CCAR1: variants seen among roughly 807,000 people sequenced by gnomAD.
CCAR1 encodes the protein cell division cycle and apoptosis regulator protein 1.
Under a neutral mutation model 163.8 loss-of-function variants are expected in CCAR1, and 78 were observed. The observed-to-expected ratio is 0.48, with a 90% CI of 0.40 to 0.57. The LOEUF (loss-of-function observed/expected upper bound fraction) is 0.57. Among genes scored for constraint, CCAR1 ranks in the 20% least tolerant of loss-of-function variants. The pLI is 0.00. For synonymous variants in CCAR1, 443 were observed against 460.7 expected (o/e 0.96, Z 0.49); for missense variants, 1,019 against 1,365.2 (o/e 0.75, Z 4.00).
At chr10:68,733,490 C>G (rs1301001073) in intron 2 of CCAR1, among the ~76,000 whole-genome samples, 1 of 85,424 alleles carries the variant, frequency 1.2e-5, no homozygotes, top group Non-Finnish European at 2.8e-5. Flanking sequence ...GTAAAGTTTT[C>G]TTTTCACTGT....
chr10:68,761,790 A>T (rs2047428), intron 16 of CCAR1, among the ~76,000 whole-genome samples: 132,659 of 151,510 alleles, frequency 0.88, 58,141 homozygotes, highest in African/African-American at 0.9. Context: ...TTAGTAGAGA[A>T]GGTGTTTTTC....
intron 2 of CCAR1, among the ~76,000 whole-genome samples, chr10:68,724,530 T>C (rs542330486): frequency 6.6e-6 from 1 of 152,016 alleles, no homozygotes; most frequent in Non-Finnish European, 1.5e-5. Flanking sequence ...GCTCACGCGA[T>C]CCTCCCATCT....
At chr10:68,755,651 A>C (rs1352781348) in intron 13 of CCAR1, 115 bp downstream of exon 13, 19 of 769,304 alleles carry the variant, frequency 2.5e-5, no homozygotes, top group Non-Finnish European at 3.8e-5. Flanking sequence ...CAATGCAGGT[A>C]ATCTCAAAGG....
At chr10:68,722,381 C>T (rs2055871603) in intron 1 of CCAR1, 74 bp from the exon 2 acceptor site, 5 of 799,864 alleles carry the variant, frequency 6.3e-6, no homozygotes, top group South Asian at 5.5e-5. Context: ...TTAAACATTT[C>T]TTTCTATTGT....
chr10:68,764,245 C>A (rs1034946801), intron 16 of CCAR1, among the ~76,000 whole-genome samples: 1 of 152,142 alleles, frequency 6.6e-6, no homozygotes, highest in African/African-American at 2.4e-5. Context: ...AGCAGCTCAT[C>A]ATCACTGGGC....
intron 19 of CCAR1, among the ~76,000 whole-genome samples, chr10:68,778,243 C>T (rs925808962): frequency 1.3e-5 from 2 of 152,094 alleles, no homozygotes; most frequent in Non-Finnish European, 2.9e-5. Context: ...AAAGCTAGTG[C>T]TCACAATGAC....
intron 19 of CCAR1, among the ~76,000 whole-genome samples, chr10:68,776,507 G>T (rs370438182): frequency 1.3e-5 from 2 of 151,964 alleles, no homozygotes; most frequent in African/African-American, 4.8e-5. Flanking sequence ...CGGAGGTTGC[G>T]GTGAACCGAG....
At chr10:68,731,011 T>C (rs1396327132) in intron 2 of CCAR1, among the ~76,000 whole-genome samples, 1 of 152,208 alleles carries the variant, frequency 6.6e-6, no homozygotes. Flanking sequence ...ATTTAGTAGA[T>C]AGCCTGTGGT....
Position 68,737,883 on chromosome 10 carries a change from A to G in CCAR1, c.285A>G (p.Gln95=), listed in dbSNP as rs1233693998. The G allele has an allele frequency of 3.8e-6, 6 of 1,590,930 alleles. No homozygotes were observed. The East Asian group carries it at 6.8e-5, about 18-fold the overall frequency. Residue 95 remains glutamine, a synonymous_variant, in exon 4 of 25, where the codon CAA becomes CAG. Transcript: ENST00000265872. ...CTCAGCAGGCCCTGTATAGTGTGCA[A>G]CAACAGGTTAGTTTATATTTTCCGT... The part of the protein sequence containing the change: ...SQPQQALYSV[Q]QQLQQPQQTL...
intron 2 of CCAR1, among the ~76,000 whole-genome samples, chr10:68,736,100 G>A (rs764580872): frequency 4.6e-5 from 7 of 151,976 alleles, no homozygotes; most frequent in African/African-American, 1.7e-4. Context: ...TGATCCTCCC[G>A]CCTCGGTTTC....
chr10:68,742,277 T>C lies in CCAR1; in HGVS notation c.325-99T>C. ...TACATGTATATCTTCTAACATAATATGAAATTTTTAACATTCTGGGTTAGT... is the reference window on the plus strand; with the variant it reads ...TACATGTATATCTTCTAACATAATACGAAATTTTTAACATTCTGGGTTAGT... On this transcript the variant is annotated intron_variant, in intron 5 of 24. Transcript: ENST00000265872. 4.7e-6 allele frequency: 4 copies of C among 842,482 alleles called. No homozygotes were observed. The South Asian group carries it at 7.8e-5, about 16-fold the overall frequency. The allele number at this position is 842,482 out of a possible 1,614,324, so 52.2% of individuals were successfully genotyped here. A position where few individuals can be genotyped will look rare whatever the true frequency, so the allele number is the denominator to read the frequency against.
Position 68,742,867 on chromosome 10 carries a change from C to T in CCAR1, c.518+298C>T, listed in dbSNP as rs2056200346. Among the ~76,000 whole-genome samples, 3 of 152,222 alleles carry T rather than the reference C, an allele frequency of 2.0e-5. No individual in the cohort carries two copies. The South Asian group carries it at 6.2e-4, about 31-fold the overall frequency. ...TCCTGACCTCAAGTGAGCCACCCGC[C>T]TCAGCTTCCCAAGGTGCTGGGATTA... is the stretch of plus-strand genomic sequence containing the variant. On this transcript the variant is annotated intron_variant, in intron 6 of 24. Transcript: ENST00000265872.
intron 8 of CCAR1, among the ~76,000 whole-genome samples, chr10:68,748,015 G>A (rs1482983784): frequency 3.3e-5 from 5 of 151,896 alleles, no homozygotes; most frequent in South Asian, 2.1e-4. Flanking sequence ...CACCATGCCC[G>A]GCAAATTTTT....
chr10:68,726,860 G>A (rs2055955441), intron 2 of CCAR1, among the ~76,000 whole-genome samples: 3 of 151,648 alleles, frequency 2.0e-5, no homozygotes, highest in Non-Finnish European at 4.4e-5. Context: ...GCCGGACATA[G>A]TGGTGTGCAT....
chr10:68,778,814 A>T (rs1357419753), intron 19 of CCAR1, among the ~76,000 whole-genome samples: 1 of 151,872 alleles, frequency 6.6e-6, no homozygotes, highest in Non-Finnish European at 1.5e-5. Flanking sequence ...TTCATATTTT[A>T]TATCTCATGA....
intron 6 of CCAR1, among the ~76,000 whole-genome samples, chr10:68,744,790 A>T (rs2056230144): frequency 6.6e-6 from 1 of 151,886 alleles, no homozygotes; most frequent in African/African-American, 2.4e-5. Flanking sequence ...TAAGGGTGAA[A>T]CACCCATTTT....
intron 19 of CCAR1, 152 bp from the exon 20 acceptor site, chr10:68,785,984 C>T (rs1224498294): frequency 3.7e-6 from 2 of 533,818 alleles, no homozygotes; most frequent in South Asian, 3.0e-5. Context: ...GATCTGTCAC[C>T]CAGACTGGAG....
chr10:68,789,092 G>T (rs1051249139), intron 23 of CCAR1, among the ~76,000 whole-genome samples: 3 of 151,416 alleles, frequency 2.0e-5, no homozygotes, highest in African/African-American at 4.8e-5. Context: ...TGTATTTTTA[G>T]TAGAGACAGG....
intron 2 of CCAR1, among the ~76,000 whole-genome samples, chr10:68,723,208 G>A (rs71478854): frequency 6.6e-6 from 1 of 150,680 alleles, no homozygotes; most frequent in African/African-American, 2.4e-5. Context: ...TGCAAGCTCC[G>A]CCTCCCGGGT....
Sources: gnomAD v4.1 joint callset for allele counts (sites outside exome capture counted in the v4.1 genomes callset) on GRCh38, gnomAD v4.1.1 for gene constraint, MANE v1.5 for transcripts, NCBI Gene and HGNC (gene_info 2026-07-23, HGNC 2026-07-21) for gene names.